UTS2B: variants seen among roughly 807,000 people sequenced by gnomAD.
The protein encoded by UTS2B is urotensin 2B, also known as urotensin-2B.
UTS2B carries 21 observed loss-of-function variants against 19.2 expected under a neutral mutation model. The ratio of observed to expected loss-of-function variants is 1.09; its 90% CI spans 0.78 to 1.58. The LOEUF (loss-of-function observed/expected upper bound fraction) is 1.58. Ranked by LOEUF, UTS2B falls within the 40% of genes most tolerant of loss-of-function variation. The probability of loss-of-function intolerance (pLI) is 0.00; values close to 1 mark genes in which losing one functional copy is unlikely to be tolerated. For missense variants in UTS2B, 138 were observed against 130.3 expected, an observed-to-expected ratio of 1.06 and a Z score of -0.29; for synonymous variants, 57 against 50.2, an observed-to-expected ratio of 1.14 and a Z score of -0.58.
intron 8 of UTS2B, among the ~76,000 whole-genome samples, chr3:191,272,686 C>A (rs766702624): frequency 6.6e-6 from 1 of 151,276 alleles, no homozygotes; most frequent in South Asian, 2.1e-4. Flanking sequence ...TATGGTGAAA[C>A]CTGTCTCTAC....
At chr3:191,273,388 G>GC (rs1716143309) in intron 8 of UTS2B, 1 of 438,624 alleles carries the variant, frequency 2.3e-6, no homozygotes, top group Non-Finnish European at 4.6e-6. Context: ...TTACCAACCT[G>GC]CCTTGCCATA....
intron 5 of UTS2B, among the ~76,000 whole-genome samples, chr3:191,279,903 T>C (rs889095675): frequency 1.0e-4 from 9 of 87,688 alleles, no homozygotes; most frequent in East Asian, 8.3e-4. Context: ...AAAACAGATA[T>C]AGCTTTAAAA....
intron 4 of UTS2B, among the ~76,000 whole-genome samples, chr3:191,283,400 G>T (rs1041779943): frequency 6.6e-6 from 1 of 152,072 alleles, no homozygotes; most frequent in African/African-American, 2.4e-5. Flanking sequence ...CACCAGAACT[G>T]TTTAGCCTTT....
In UTS2B at chr3:191,300,786, C is replaced by T. The variant is rs112145987; in HGVS notation, c.-125+3706G>A. On this transcript the variant is annotated intron_variant, in intron 4 of 8. Coordinates refer to ENST00000340524, the MANE Select transcript of UTS2B (RefSeq NM_198152.5). ...AAAGTGTGTGGCAACTGCCCCCTCT[C>T]TCTCTTGCTCTTGCTCTGGCCATGT... Among the ~76,000 whole-genome samples, 486 of 152,342 alleles carry T rather than the reference C, an allele frequency of 3.2e-3. 5 individuals are homozygous for T. Among genetic ancestry groups the T allele is most frequent in the African/African-American group, 0.011 (457 of 41,572 alleles).
At chr3:191,271,752 AT>A (rs747973238) in intron 8 of UTS2B, among the ~76,000 whole-genome samples, 2 of 152,166 alleles carry the variant, frequency 1.3e-5, no homozygotes, top group Non-Finnish European at 2.9e-5. Context: ...GCCAAACAAT[AT>A]TTATAATGCT....
upstream of UTS2B, among the ~76,000 whole-genome samples, chr3:191,332,008 T>C (rs758270363): frequency 1.3e-5 from 2 of 152,200 alleles, no homozygotes; most frequent in African/African-American, 2.4e-5. Context: ...TTGATAGATA[T>C]ATATGCAGTT....
At chr3:191,340,443 C>T in the UTS2B span, among the ~76,000 whole-genome samples, 3 of 152,156 alleles carry the variant, frequency 2.0e-5, no homozygotes, top group Non-Finnish European at 4.4e-5. Flanking sequence ...TAGGAAACTA[C>T]ATTTAGTTTT....
intron 2 of UTS2B, among the ~76,000 whole-genome samples, chr3:191,327,558 G>C (rs1196385640): frequency 6.6e-6 from 1 of 152,154 alleles, no homozygotes; most frequent in African/African-American, 2.4e-5. Context: ...CTCTACACAG[G>C]CCCTGTAGTC....
intron 4 of UTS2B, among the ~76,000 whole-genome samples, chr3:191,294,310 T>C (rs1167505302): frequency 6.6e-6 from 1 of 151,776 alleles, no homozygotes; most frequent in Non-Finnish European, 1.5e-5. Context: ...GCCCTGGTAA[T>C]AGGAAGAGAG....
intron 2 of UTS2B, among the ~76,000 whole-genome samples, chr3:191,325,053 A>G (rs1374893054): frequency 7.4e-6 from 1 of 134,552 alleles, no homozygotes; most frequent in Non-Finnish European, 1.7e-5. Context: ...CCATCTCAGG[A>G]AAAAAAAATA....
chr3:191,276,882 G>T (rs1179566133), intron 6 of UTS2B, 38 bp from the exon 7 acceptor site: 1 of 1,590,016 alleles, frequency 6.3e-7, no homozygotes, highest in Non-Finnish European at 8.6e-7. Context: ...AACGTACATT[G>T]CAAGTAATAT....
At chr3:191,271,200 C>CAAAAAAAAAAAAAAAAA (rs66756396) in intron 8 of UTS2B, among the ~76,000 whole-genome samples, 1 of 52,742 alleles carries the variant, frequency 1.9e-5, no homozygotes, top group African/African-American at 7.2e-5. Context: ...GAGACTCTCT[C>CAAAAAAAAAAAAAAAAA]AAAAAAAAAA....
chr3:191,311,722 T>G (rs1394251920), intron 3 of UTS2B, among the ~76,000 whole-genome samples: 1 of 152,258 alleles, frequency 6.6e-6, no homozygotes, highest in East Asian at 1.9e-4. Flanking sequence ...CATTCATTAG[T>G]GCCTTAATGA....
In UTS2B at chr3:191,299,486, T is replaced by C. The variant is rs531855730; in HGVS notation, c.-125+5006A>G. Among the ~76,000 whole-genome samples the C allele has an allele frequency of 1.3e-3, 204 of 152,374 alleles. 1 individual carries two copies. Among genetic ancestry groups the C allele is most frequent in the African/African-American group, 4.8e-3 (200 of 41,596 alleles). On this transcript the variant is annotated intron_variant, in intron 4 of 8. Transcript: ENST00000340524. Reference sequence around the variant, plus strand: ...CTGCTGCTTCAGGGAGTGCAAGCCATGAGCCTTGGCAGCTTCCATGTGGTG... The same window carrying C: ...CTGCTGCTTCAGGGAGTGCAAGCCACGAGCCTTGGCAGCTTCCATGTGGTG...
At chr3:191,339,085 T>G in the UTS2B span, among the ~76,000 whole-genome samples, 2,069 of 152,284 alleles carry the variant, frequency 0.014, 57 homozygotes, top group African/African-American at 0.047. Context: ...AAATTCTTGA[T>G]ATAAGGGGAG....
chr3:191,272,865 A>AC (rs1716127824), intron 8 of UTS2B, among the ~76,000 whole-genome samples: 1 of 147,864 alleles, frequency 6.8e-6, no homozygotes, highest in African/African-American at 2.5e-5. Flanking sequence ...CTCCGTCTAA[A>AC]AAAAAAAAAA....
chr3:191,323,305 G>A (rs137946223), intron 2 of UTS2B, among the ~76,000 whole-genome samples: 123 of 151,926 alleles, frequency 8.1e-4, no homozygotes, highest in Middle Eastern at 6.8e-3. Flanking sequence ...GAATAACTAG[G>A]GCTACAGGCA....
Position 191,273,412 on chromosome 3 carries a change from C to T in UTS2B, c.334+1840G>A, listed in dbSNP as rs1452297525. On this transcript the variant is annotated intron_variant, in intron 8 of 8. Coordinates refer to ENST00000340524, the MANE Select transcript of UTS2B (RefSeq NM_198152.5). ...TGCCTTGCCATATGTTGGTGGTAGT[C>T]CCAGTGACTAATCCCGGCCAATGGA... 2.0e-5 allele frequency: 9 copies of T among 451,086 alleles called. No homozygotes were observed. The East Asian group carries it at 3.5e-4, about 17-fold the overall frequency. 27.9% of individuals were successfully genotyped at this position (451,086 alleles called of 1,614,324 possible). A position where few individuals can be genotyped will look rare whatever the true frequency, so the allele number is the denominator to read the frequency against.
intron 8 of UTS2B, among the ~76,000 whole-genome samples, chr3:191,274,509 T>A (rs1198505039): frequency 1.3e-5 from 2 of 152,216 alleles, no homozygotes; most frequent in Admixed American, 1.3e-4. Flanking sequence ...AAAGTTAAAA[T>A]TTGAACCCAG....
Sources: gnomAD v4.1 joint callset for allele counts (sites outside exome capture counted in the v4.1 genomes callset) on GRCh38, gnomAD v4.1.1 for gene constraint, MANE v1.5 for transcripts, NCBI Gene and HGNC (gene_info 2026-07-23, HGNC 2026-07-21) for gene names.